Variants in FSD1L observed in about 807,000 individuals in gnomAD.
FSD1L encodes fibronectin type III and SPRY domain containing 1 like, also known as FSD1-like protein.
FSD1L carries 45 observed loss-of-function variants against 71.6 expected under a neutral mutation model. That is an observed-to-expected ratio of 0.63 (90% confidence interval 0.49 to 0.81). The LOEUF is 0.81. Among genes scored for constraint, FSD1L ranks in the 30% least tolerant of loss-of-function variants. FSD1L has a pLI of 0.00. For synonymous variants in FSD1L, 197 were observed against 207.2 expected (o/e 0.95, Z 0.42); for missense variants, 561 against 618.1 (o/e 0.91, Z 0.98).
intron 5 of FSD1L, among the ~76,000 whole-genome samples, chr9:105,476,732 G>T (rs892889975): frequency 5.3e-5 from 8 of 152,050 alleles, no homozygotes; most frequent in African/African-American, 1.4e-4. Context: ...GTATAGTATT[G>T]TGTATCTTTT....
At chr9:105,476,577 A>G (rs1482028660) in intron 5 of FSD1L, among the ~76,000 whole-genome samples, 1 of 152,174 alleles carries the variant, frequency 6.6e-6, no homozygotes, top group East Asian at 1.9e-4. Flanking sequence ...ATGGTACTGT[A>G]TATTATTGAA....
chr9:105,522,370 A>C lies in FSD1L; in HGVS notation c.1025+9434A>C, dbSNP rs1835225599. Reference sequence around the variant, plus strand: ...CACAAAGGGAAAGGAGTTGGACATGAATTTCAGAAAGTTTCAGTTGACAAG... The same window carrying C: ...CACAAAGGGAAAGGAGTTGGACATGCATTTCAGAAAGTTTCAGTTGACAAG... On this transcript the variant is annotated intron_variant, in intron 10 of 13. Coordinates refer to ENST00000481272, the MANE Select transcript of FSD1L (RefSeq NM_001145313.3). The C allele has an allele frequency of 8.7e-6, 14 of 1,614,008 alleles. No individual in the cohort carries two copies. In the South Asian group the frequency reaches 1.5e-4, roughly 18 times the overall value.
chr9:105,519,809 T>C (rs1834995438), intron 10 of FSD1L, among the ~76,000 whole-genome samples: 1 of 151,932 alleles, frequency 6.6e-6, no homozygotes, highest in Admixed American at 6.6e-5. Flanking sequence ...GGCCCCGGCC[T>C]GTGGCGGCGA....
intron 2 of FSD1L, among the ~76,000 whole-genome samples, chr9:105,463,352 G>A (rs1324447878): frequency 3.3e-5 from 5 of 152,118 alleles, no homozygotes; most frequent in African/African-American, 9.7e-5. Flanking sequence ...TAAAGTACTT[G>A]CATTTGATTT....
chr9:105,493,861 G>T (rs901972064), intron 7 of FSD1L, among the ~76,000 whole-genome samples: 58 of 152,178 alleles, frequency 3.8e-4, no homozygotes, highest in Non-Finnish European at 7.2e-4. Flanking sequence ...AGTTTCTGCC[G>T]AGAGATCCGC....
At chr9:105,513,715 C>T in intron 10 of FSD1L, 3 of 1,084,272 alleles carry the variant, frequency 2.8e-6, no homozygotes, top group African/African-American at 1.6e-5. Context: ...ATCTTTTAAC[C>T]AATAAGCAGA....
rs1169730136 is a variant in FSD1L at position 105,481,183 on chromosome 9, CTTT to C, written c.464+1826_464+1828del. Among the ~76,000 whole-genome samples the C allele has an allele frequency of 4.6e-3, 133 of 28,766 alleles. 3 individuals carry two copies. Among genetic ancestry groups the C allele is most frequent in the Non-Finnish European group, 8.4e-3 (121 of 14,324 alleles). 18.9% of individuals were successfully genotyped at this position (28,766 alleles called of 152,430 possible). On this transcript the variant is annotated intron_variant, in intron 6 of 13. Transcript: ENST00000481272. ...TGTGTGTGTGTGTGTGTGTGTGGTT[CTTT>C]TTTTTTTTTTTTTTTTTTGCTTGTT...
At chr9:105,498,099 C>A (rs1228135130) in intron 7 of FSD1L, among the ~76,000 whole-genome samples, 7 of 152,054 alleles carry the variant, frequency 4.6e-5, no homozygotes, top group Admixed American at 4.6e-4. Flanking sequence ...CCCACCTCAG[C>A]CTTCTAAAGC....
chr9:105,475,471 T>C (rs1831733839), intron 5 of FSD1L, among the ~76,000 whole-genome samples: 1 of 151,884 alleles, frequency 6.6e-6, no homozygotes, highest in South Asian at 2.1e-4. Context: ...AGAAGAGGAG[T>C]GGGTAGAAGC....
At chr9:105,452,365 C>G (rs1830061524) in intron 1 of FSD1L, among the ~76,000 whole-genome samples, 1 of 152,172 alleles carries the variant, frequency 6.6e-6, no homozygotes, top group Non-Finnish European at 1.5e-5. Flanking sequence ...CACAACAGTT[C>G]TTATTCCTGT....
chr9:105,524,797 A>C, intron 10 of FSD1L: 1 of 1,593,072 alleles, frequency 6.3e-7, no homozygotes, highest in Non-Finnish European at 8.6e-7. Context: ...CATCTGGTAA[A>C]TCACCTGGGC....
At chr9:105,507,889 C>CTTTTT (rs200267374) in intron 8 of FSD1L, among the ~76,000 whole-genome samples, 1 of 109,258 alleles carries the variant, frequency 9.2e-6, no homozygotes. Context: ...TATCACTCTT[C>CTTTTT]TTTTTTTTTT....
chr9:105,508,049 A>G (rs553810882), intron 8 of FSD1L, among the ~76,000 whole-genome samples: 3 of 151,954 alleles, frequency 2.0e-5, no homozygotes, highest in African/African-American at 4.8e-5. Context: ...TTGTATTTTT[A>G]GTAGAGACGG....
In FSD1L at chr9:105,468,651, T is replaced by C. The variant is rs574519544; in HGVS notation, c.339+327T>C. ...CTGGGATTACAGGTGCCCACCACCA[T>C]GCCTGGCTAATTTTTGTATTTTTAG... On this transcript the variant is annotated intron_variant, in intron 4 of 13. Transcript: ENST00000481272. Among the ~76,000 whole-genome samples, 22 of 152,084 alleles carry C rather than the reference T, an allele frequency of 1.4e-4. No homozygotes were observed. In the South Asian group the frequency reaches 4.4e-3, roughly 30 times the overall value.
intron 4 of FSD1L, 51 bp from the exon 5 acceptor site, chr9:105,471,853 G>A (rs1006977118): frequency 3.6e-5 from 24 of 660,824 alleles, no homozygotes; most frequent in Non-Finnish European, 5.8e-5. Context: ...GATTCTAATG[G>A]CAATAGGAAA....
At chr9:105,526,508 T>G (rs1835522919) in intron 10 of FSD1L, 1 of 1,612,070 alleles carries the variant, frequency 6.2e-7, no homozygotes, top group Non-Finnish European at 8.5e-7. Flanking sequence ...GCGTCGTTCC[T>G]CTGGCTCAGC....
At chr9:105,480,523 C>G (rs1273479087) in intron 6 of FSD1L, among the ~76,000 whole-genome samples, 1 of 152,212 alleles carries the variant, frequency 6.6e-6, no homozygotes, top group Non-Finnish European at 1.5e-5. Context: ...AATGCCTAAG[C>G]TCAAGCTATC....
At chr9:105,529,549 A>G (rs1230734442) in intron 10 of FSD1L, among the ~76,000 whole-genome samples, 1 of 152,134 alleles carries the variant, frequency 6.6e-6, no homozygotes, top group East Asian at 1.9e-4. Flanking sequence ...ACGTGTTCTC[A>G]CTCATAAGTG....
At chr9:105,469,787 C>T (rs1280096526) in intron 4 of FSD1L, among the ~76,000 whole-genome samples, 3 of 150,488 alleles carry the variant, frequency 2.0e-5, no homozygotes, top group Non-Finnish European at 3.0e-5. Flanking sequence ...TAAAGTTTTA[C>T]GTCATCTAAT....
Sources: gnomAD v4.1 joint callset for allele counts (sites outside exome capture counted in the v4.1 genomes callset) on GRCh38, gnomAD v4.1.1 for gene constraint, MANE v1.5 for transcripts, NCBI Gene and HGNC (gene_info 2026-07-23, HGNC 2026-07-21) for gene names.